The following MCF2L variants were observed in gnomAD, a reference collection of about 807,000 sequenced individuals.
MCF2L encodes the protein guanine nucleotide exchange factor DBS.
A neutral mutation model predicts 153.4 loss-of-function variants in MCF2L; 97 were observed. That is an observed-to-expected ratio of 0.63 (90% CI 0.54 to 0.75). MCF2L has a LOEUF of 0.75. Ranked by LOEUF, MCF2L falls within the 30% of genes least tolerant of loss-of-function variation. The pLI, the probability that MCF2L is intolerant of heterozygous loss-of-function variation, is 0.00. For missense variants in MCF2L, 1,347 were observed against 1,495.2 expected, an observed-to-expected ratio of 0.90 and a Z score of 1.64; for synonymous variants, 659 against 632.2, an observed-to-expected ratio of 1.04 and a Z score of -0.64.
chr13:112,895,764 T>C (rs1009284887), intron 1 of MCF2L, among the ~76,000 whole-genome samples: 1 of 152,122 alleles, frequency 6.6e-6, no homozygotes, highest in African/African-American at 2.4e-5. Context: ...CTTCAGCTCT[T>C]CCCCATCCTG....
Position 113,078,420 on chromosome 13 carries a change from C to T in MCF2L, c.1718C>T (p.Pro573Leu). ...SSEGGALRRG[P>L]YRRAKSEMSE... ...GAGGGCGGTGCGCTCCGGAGAGGGC[C>T]CTACCGGAGGGCCAAGGTGAGGCTT... The change falls in exon 14 of 30, where the codon CCC becomes CTC. Residue 573 changes from proline (P) to leucine (L), a missense_variant. Pro to Leu is a moderately conservative substitution (Grantham distance 98). Around this residue, in one of 3 missense-constraint regions of MCF2L, gnomAD observed 820 missense variants for 921.2 expected, o/e 0.89. Coordinates refer to ENST00000535094, the MANE Select transcript of MCF2L (RefSeq NM_001112732.3). 1 of 1,612,188 alleles carries T rather than the reference C, an allele frequency of 6.2e-7. No individual in the cohort carries two copies. The highest frequency in any genetic ancestry group is 8.5e-7 in the Non-Finnish European group (1 of 1,179,542).
intron 17 of MCF2L, 152 bp from the exon 18 acceptor site, chr13:113,083,846 G>C (rs1164703572): frequency 1.5e-6 from 1 of 674,954 alleles, no homozygotes; most frequent in Admixed American, 2.3e-5. Flanking sequence ...TGGTGCTCAG[G>C]ACAGGCGTGG....
rs2082521363 is a variant in MCF2L, at chr13:112,983,637, C to A, written c.79+14179C>A. ...GGCCTCTTTACAGCTCTGTCCCCTG[C>A]CTTATCTCGCTGGCTCTGCCCTTGG... is the stretch of plus-strand genomic sequence containing the variant. On this transcript the variant is annotated intron_variant, in intron 1 of 29. Coordinates refer to ENST00000535094, the MANE Select transcript of MCF2L (RefSeq NM_001112732.3). The surrounding 1 kb of genome is among the most constrained non-coding windows in gnomAD (Gnocchi z 4.0). 1.3e-5 allele frequency among the ~76,000 whole-genome samples: 2 copies of A among 152,236 alleles called. No homozygotes were observed. Among genetic ancestry groups the A allele is most frequent in the South Asian group, 4.1e-4 (2 of 4,836 alleles).
intron 2 of MCF2L, among the ~76,000 whole-genome samples, chr13:112,944,023 G>GTCCCGGGTGAAGAGCAAGCTCAT: frequency 6.7e-6 from 1 of 149,476 alleles, no homozygotes; most frequent in South Asian, 2.1e-4. Flanking sequence ...TGAGGGGAGG[G>GTCCCGGGTGAAGAGCAAGCTCAT]GAGGATCCTA....
At chr13:112,953,594 A>G (rs906520572) in intron 2 of MCF2L, among the ~76,000 whole-genome samples, 1 of 152,244 alleles carries the variant, frequency 6.6e-6, no homozygotes, top group African/African-American at 2.4e-5. Context: ...GGGGTGGGAA[A>G]GATCCTGCCT....
At position 113,081,388 on chromosome 13, in the gene MCF2L, C is replaced by T. The variant is rs138462514; in HGVS notation, c.1875+109C>T. Reference sequence around the variant, plus strand: ...GGAGCAGCCTGCTGTCCACCAAATGCATGTGAGAGAGCGCCCACAGCAGCC... The same window carrying T: ...GGAGCAGCCTGCTGTCCACCAAATGTATGTGAGAGAGCGCCCACAGCAGCC... On this transcript the variant is annotated intron_variant, in intron 16 of 29. Transcript: ENST00000535094. The T allele has an allele frequency of 2.9e-3, 3,157 of 1,106,158 alleles. 69 individuals carry two copies. In the African/African-American group the frequency reaches 0.042, roughly 15 times the overall value. 68.5% of individuals were successfully genotyped at this position (1,106,158 alleles called of 1,614,324 possible).
intron 16 of MCF2L, 149 bp from the exon 17 acceptor site, chr13:113,082,278 A>G: frequency 1.6e-6 from 1 of 611,008 alleles, no homozygotes; most frequent in Non-Finnish European, 3.0e-6. Flanking sequence ...TTTTGCTTTG[A>G]TGGATGCCTG....
intron 2 of MCF2L, among the ~76,000 whole-genome samples, chr13:112,913,437 C>G (rs1457170124): frequency 2.0e-5 from 3 of 152,096 alleles, no homozygotes; most frequent in Non-Finnish European, 4.4e-5. Flanking sequence ...GTCTCAGCTG[C>G]AGGCATTTTT....
At chr13:113,026,580 G>A (rs1288906855) in intron 3 of MCF2L, among the ~76,000 whole-genome samples, 1 of 152,220 alleles carries the variant, frequency 6.6e-6, no homozygotes, top group Non-Finnish European at 1.5e-5. Context: ...TCGATCAGCA[G>A]AGTTCTGCGG....
At chr13:112,987,181 G>A (rs761367832) in intron 1 of MCF2L, among the ~76,000 whole-genome samples, 4 of 152,212 alleles carry the variant, frequency 2.6e-5, no homozygotes, top group African/African-American at 4.8e-5. Context: ...GGGCCGCAGG[G>A]TCTCTGCAGC....
intron 1 of MCF2L, among the ~76,000 whole-genome samples, chr13:113,002,196 C>T (rs185353508): frequency 6.6e-6 from 1 of 152,194 alleles, no homozygotes; most frequent in Admixed American, 6.5e-5. Context: ...AAGGTGTGCA[C>T]GGGCCTTGCC....
chr13:113,003,473 G>A (rs918698347), intron 1 of MCF2L, among the ~76,000 whole-genome samples: 5 of 152,054 alleles, frequency 3.3e-5, no homozygotes, highest in Non-Finnish European at 7.4e-5. Context: ...TGGCTGTGGG[G>A]CACCGTGGAA....
intron 2 of MCF2L, among the ~76,000 whole-genome samples, chr13:112,923,365 G>A (rs532190237): frequency 3.4e-5 from 5 of 145,818 alleles, no homozygotes; most frequent in Non-Finnish European, 1.5e-5. Context: ...CTGGGTTGAC[G>A]CCATTCTCCT....
At chr13:112,947,833 G>A (rs2081653073) in intron 2 of MCF2L, among the ~76,000 whole-genome samples, 1 of 152,136 alleles carries the variant, frequency 6.6e-6, no homozygotes, top group Admixed American at 6.5e-5. Context: ...TGCCCTGGTG[G>A]AGACTCTCTG....
intron 12 of MCF2L, among the ~76,000 whole-genome samples, chr13:113,076,751 G>A (rs560340196): frequency 2.0e-5 from 3 of 152,380 alleles, no homozygotes; most frequent in Admixed American, 1.3e-4. Flanking sequence ...CTGGGACCTG[G>A]TGATGCCCTT....
intron 2 of MCF2L, chr13:112,957,775 T>C (rs1310273735): frequency 6.6e-6 from 1 of 152,250 alleles, no homozygotes; most frequent in Non-Finnish European, 1.5e-5. Context: ...ACCTTGTGTA[T>C]CCTAATGTGG....
At chr13:112,895,194 G>A (rs1206009395) in intron 1 of MCF2L, among the ~76,000 whole-genome samples, 1 of 152,122 alleles carries the variant, frequency 6.6e-6, no homozygotes, top group Non-Finnish European at 1.5e-5. Flanking sequence ...GGATGCTGCG[G>A]GAGGGCTGGG....
At chr13:112,978,290 G>T (rs919258101) in intron 1 of MCF2L, among the ~76,000 whole-genome samples, 3 of 152,202 alleles carry the variant, frequency 2.0e-5, no homozygotes, top group Non-Finnish European at 4.4e-5. Context: ...TGTTTTGGGG[G>T]ATGCAGCACA....
intron 2 of MCF2L, among the ~76,000 whole-genome samples, chr13:112,944,452 G>A (rs1246503578): frequency 6.6e-6 from 1 of 152,118 alleles, no homozygotes; most frequent in Non-Finnish European, 1.5e-5. Context: ...TGGAGTTGGG[G>A]GATGCCGCCT....
Sources: allele counts gnomAD v4.1 joint callset (sites outside exome capture counted in the v4.1 genomes callset), GRCh38; gene constraint gnomAD v4.1.1; regional missense constraint gnomAD v4.1.1; non-coding constraint Gnocchi (gnomAD v3.1); transcripts MANE v1.5; gene names NCBI Gene and HGNC (gene_info 2026-07-23, HGNC 2026-07-21).